TNFRSF11B: variants seen among roughly 807,000 people sequenced by gnomAD.
TNFRSF11B encodes the protein TNF receptor superfamily member 11b.
In TNFRSF11B, 16 loss-of-function variants were observed where a neutral mutation model predicts 43.4. That is an observed-to-expected ratio of 0.37 (90% CI 0.25 to 0.56). TNFRSF11B has a LOEUF of 0.56. Among genes scored for constraint, TNFRSF11B ranks in the 20% least tolerant of loss-of-function variants. The probability of loss-of-function intolerance (pLI) is 0.80; values close to 1 mark genes in which losing one functional copy is unlikely to be tolerated. For synonymous variants in TNFRSF11B, 185 were observed against 181.8 expected (o/e 1.02, Z -0.14); for missense variants, 444 against 490.1 (o/e 0.91, Z 0.89).
chr8:118,941,607 G>A (rs1812486743), intron 1 of TNFRSF11B, among the ~76,000 whole-genome samples: 1 of 152,136 alleles, frequency 6.6e-6, no homozygotes, highest in African/African-American at 2.4e-5. Flanking sequence ...GCAATATCTT[G>A]TTTGTGTTTG....
chr8:118,929,724 C>A (rs1320459212), intron 2 of TNFRSF11B, among the ~76,000 whole-genome samples: 2 of 152,188 alleles, frequency 1.3e-5, no homozygotes, highest in Non-Finnish European at 2.9e-5. Context: ...TAAATACCTT[C>A]AAACACTTGA....
intron 1 of TNFRSF11B, among the ~76,000 whole-genome samples, chr8:118,948,400 C>A (rs1426673128): frequency 6.6e-6 from 1 of 151,918 alleles, no homozygotes; most frequent in Non-Finnish European, 1.5e-5. Flanking sequence ...ACAAATGGAA[C>A]ATGCCAGCAG....
chr8:118,924,695 A>T lies in TNFRSF11B; in HGVS notation c.885T>A (p.Leu295=), dbSNP rs11573942. The T allele has an allele frequency of 3.9e-3, 6,288 of 1,614,178 alleles. 25 individuals carry two copies. Among genetic ancestry groups the T allele is most frequent in the Non-Finnish European group, 4.4e-3 (5,208 of 1,180,030 alleles). The change falls in exon 5 of 5, where the codon CTT becomes CTA. Residue 295 remains leucine (L), a synonymous_variant. Coordinates refer to ENST00000297350, the MANE Select transcript of TNFRSF11B (RefSeq NM_002546.4). ...IGHANLTFEQ[L]RSLMESLPGK... ...CCGGTAAGCTTTCCATCAAGCTACG[A>T]AGCTGCTCGAAGGTGAGGTTAGCAT...
intron 1 of TNFRSF11B, among the ~76,000 whole-genome samples, chr8:118,939,263 C>A (rs1032960991): frequency 6.6e-6 from 1 of 152,126 alleles, no homozygotes; most frequent in Non-Finnish European, 1.5e-5. Flanking sequence ...CTCCATTCCT[C>A]AAATAATTCA....
intron 2 of TNFRSF11B, among the ~76,000 whole-genome samples, chr8:118,932,723 T>C (rs1377623905): frequency 1.3e-5 from 2 of 151,918 alleles, no homozygotes; most frequent in South Asian, 2.1e-4. Flanking sequence ...TTGAGATTTG[T>C]CATTAAATTG....
intron 2 of TNFRSF11B, 150 bp downstream of exon 2, chr8:118,932,781 C>G: frequency 1.0e-6 from 1 of 991,638 alleles, no homozygotes. Context: ...TTTGGAAGCA[C>G]TCCAGACACA....
chr8:118,923,754 A>G lies in TNFRSF11B; in HGVS notation c.*620T>C, dbSNP rs2129875906. On this transcript the variant is annotated 3_prime_UTR_variant, in exon 5 of 5. Transcript: ENST00000297350. ...TATTACAGCTTATACAGATAAAATT[A>G]TAAAAATACTCCACACAGAAAAATA... 1 of 152,732 alleles carries G rather than the reference A, an allele frequency of 6.5e-6. No individual in the cohort carries two copies. Among genetic ancestry groups the G allele is most frequent in the African/African-American group, 2.4e-5 (1 of 41,586 alleles). The allele number at this position is 152,732 out of a possible 1,614,324, so 9.5% of individuals were successfully genotyped here. A position where few individuals can be genotyped will look rare whatever the true frequency, so the allele number is the denominator to read the frequency against.
At chr8:118,934,717 C>T (rs1197911889) in intron 1 of TNFRSF11B, among the ~76,000 whole-genome samples, 1 of 152,150 alleles carries the variant, frequency 6.6e-6, no homozygotes, top group Non-Finnish European at 1.5e-5. Context: ...CAGAGATCAA[C>T]ACTGACTATT....
intron 1 of TNFRSF11B, among the ~76,000 whole-genome samples, chr8:118,933,609 C>G (rs993777610): frequency 1.3e-5 from 2 of 152,106 alleles, no homozygotes; most frequent in African/African-American, 4.8e-5. Context: ...GACACTTTGT[C>G]GTCTTGGGTT....
chr8:118,932,670 A>AC (rs1307081897), intron 2 of TNFRSF11B, among the ~76,000 whole-genome samples: 2 of 151,840 alleles, frequency 1.3e-5, no homozygotes, highest in Non-Finnish European at 2.9e-5. Flanking sequence ...TTAAAAAAAA[A>AC]AAAAAACCAT....
Position 118,951,808 on chromosome 8 carries a change from A to G in TNFRSF11B, c.14T>C (p.Leu5Pro). The stretch of plus-strand genomic sequence containing the variant: ...GGGACTTACCACGAGCGCGCAGCAC[A>G]GCAAGTTGTTCATTGTGGTCCCCGG... MNNL[L>P]CCALVFLDIS... Residue 5 changes from leucine (L) to proline (P), a missense_variant, in exon 1 of 5, where the codon CTG (leucine) becomes CCG (proline). Transcript: ENST00000297350. 1.3e-6 allele frequency: 2 copies of G among 1,594,246 alleles called. No individual in the cohort carries two copies. Among genetic ancestry groups the G allele is most frequent in the Non-Finnish European group, 1.7e-6 (2 of 1,170,576 alleles).
At chr8:118,946,044 C>A (rs1175965175) in intron 1 of TNFRSF11B, among the ~76,000 whole-genome samples, 1 of 151,812 alleles carries the variant, frequency 6.6e-6, no homozygotes, top group Admixed American at 6.6e-5. Context: ...AAAATCACAA[C>A]AATAAAGAGG....
chr8:118,936,520 C>A (rs188881540), intron 1 of TNFRSF11B, among the ~76,000 whole-genome samples: 1 of 152,086 alleles, frequency 6.6e-6, no homozygotes, highest in Non-Finnish European at 1.5e-5. Flanking sequence ...TCCTTTCTCT[C>A]GGTTTCTTCT....
intron 1 of TNFRSF11B, among the ~76,000 whole-genome samples, chr8:118,950,247 C>T (rs1385503): frequency 0.5 from 76,596 of 151,976 alleles, 20,578 homozygotes; most frequent in African/African-American, 0.7. Flanking sequence ...CCCATATTAA[C>T]GGCAGCATTA....
At chr8:118,926,906 C>G (rs1007218005) in intron 3 of TNFRSF11B, among the ~76,000 whole-genome samples, 188 bp from the exon 4 acceptor site, 2 of 152,162 alleles carry the variant, frequency 1.3e-5, no homozygotes, top group Non-Finnish European at 2.9e-5. Flanking sequence ...ACTGAGCTTA[C>G]GTGTCTTCTA....
intron 1 of TNFRSF11B, among the ~76,000 whole-genome samples, chr8:118,950,584 A>G (rs1812628102): frequency 6.6e-6 from 1 of 152,228 alleles, no homozygotes. Flanking sequence ...TCACTTAGAA[A>G]AACTGCATTA....
At chr8:118,950,306 A>C (rs1812622482) in intron 1 of TNFRSF11B, among the ~76,000 whole-genome samples, 1 of 152,242 alleles carries the variant, frequency 6.6e-6, no homozygotes, top group Non-Finnish European at 1.5e-5. Flanking sequence ...TGGTGTGTCC[A>C]TACAATGGAA....
At chr8:118,941,047 G>T (rs1032630850) in intron 1 of TNFRSF11B, among the ~76,000 whole-genome samples, 1 of 152,124 alleles carries the variant, frequency 6.6e-6, no homozygotes, top group Non-Finnish European at 1.5e-5. Context: ...CCATGTAAAG[G>T]ATACATTTGC....
intron 2 of TNFRSF11B, 150 bp from the exon 3 acceptor site, chr8:118,929,079 A>G: frequency 2.8e-6 from 2 of 721,366 alleles, no homozygotes; most frequent in Non-Finnish European, 4.7e-6. Flanking sequence ...TTTTCACTTC[A>G]TTAGACAGAA....
Sources: allele counts gnomAD v4.1 joint callset (sites outside exome capture counted in the v4.1 genomes callset), GRCh38; gene constraint gnomAD v4.1.1; transcripts MANE v1.5; gene names NCBI Gene and HGNC (gene_info 2026-07-23, HGNC 2026-07-21).